SS18L1: variants seen among roughly 807,000 people sequenced by gnomAD.
The protein encoded by SS18L1 is SS18L1 subunit of BAF chromatin remodeling complex.
SS18L1 carries 32 observed loss-of-function variants against 70.3 expected under a neutral mutation model. The ratio of observed to expected loss-of-function variants is 0.46; its 90% CI spans 0.34 to 0.61. The LOEUF is 0.61. SS18L1 is among the 20% of genes least tolerant of loss of function. SS18L1 has a pLI of 0.01. For synonymous variants in SS18L1, 237 were observed against 229.7 expected (o/e 1.03, Z -0.29); for missense variants, 430 against 542.1 (o/e 0.79, Z 2.05).
Position 62,158,675 on chromosome 20 carries a change from C to T in SS18L1, c.73C>T (p.Leu25=). The change falls in exon 2 of 11, where the codon CTG becomes TTG. Residue 25 remains leucine, a synonymous_variant. Transcript: ENST00000331758. The surrounding 1 kb of genome is among the most constrained non-coding windows in gnomAD (Gnocchi z 4.5). ...CCCGCTCACGCTCTCTCCGCAGATGCTGGACGAGAACCACCACCTGATCCA... is the reference window on the plus strand; with the variant it reads ...CCCGCTCACGCTCTCTCCGCAGATGTTGGACGAGAACCACCACCTGATCCA... The part of the protein sequence containing the change: ...EVTQQTIQKM[L]DENHHLIQCI... The T allele has an allele frequency of 3.7e-6, 6 of 1,612,504 alleles. No individual in the cohort carries two copies. Among genetic ancestry groups the T allele is most frequent in the Non-Finnish European group, 5.1e-6 (6 of 1,179,998 alleles).
At chr20:62,160,577 T>A (rs1214315914) in intron 3 of SS18L1, among the ~76,000 whole-genome samples, 7 of 152,206 alleles carry the variant, frequency 4.6e-5, no homozygotes, top group Admixed American at 4.6e-4. Context: ...TTTGATTTTT[T>A]AAAATGCATT....
chr20:62,165,683 G>A (rs181958637), intron 8 of SS18L1, among the ~76,000 whole-genome samples, 169 bp downstream of exon 8: 1 of 152,224 alleles, frequency 6.6e-6, no homozygotes, highest in East Asian at 1.9e-4. Context: ...AATTCAGGCT[G>A]TGTCGGGAGC....
intron 8 of SS18L1, among the ~76,000 whole-genome samples, chr20:62,165,746 T>C (rs576134485): frequency 7.2e-5 from 11 of 151,812 alleles, no homozygotes; most frequent in African/African-American, 2.7e-4. Context: ...CAGCCGGCCA[T>C]GCTGGGGTTG....
rs1474412876 is a variant in SS18L1, at chr20:62,174,422, AG to A, written c.1037-94del. On this transcript the variant is annotated intron_variant, in intron 9 of 10. Transcript: ENST00000331758. This position sits in a 1 kb window ranked among gnomAD's most constrained non-coding sequence, Gnocchi z 4.1. The stretch of plus-strand genomic sequence containing the variant: ...GCATTGAGACGGGAATTTTTCAAGG[AG>A]AAGAGGAAGTTTTAAAAAAAATTTT... 6.6e-7 allele frequency: 1 copy of A among 1,509,558 alleles called. No homozygotes were observed. Among genetic ancestry groups the A allele is most frequent in the Non-Finnish European group, 8.8e-7 (1 of 1,132,928 alleles). The allele number at this position is 1,509,558 out of a possible 1,614,324, so 93.5% of individuals were successfully genotyped here. A position where few individuals can be genotyped will look rare whatever the true frequency, so the allele number is the denominator to read the frequency against.
At chr20:62,176,689 G>A (rs2057625259) in intron 10 of SS18L1, among the ~76,000 whole-genome samples, 1 of 152,048 alleles carries the variant, frequency 6.6e-6, no homozygotes, top group Non-Finnish European at 1.5e-5. Flanking sequence ...TGTAAGCCCA[G>A]CTATTGGGGA....
intron 10 of SS18L1, 36 bp from the exon 11 acceptor site, chr20:62,179,146 C>A: frequency 6.2e-7 from 1 of 1,613,386 alleles, no homozygotes; most frequent in South Asian, 1.1e-5. Context: ...TCACTCATTA[C>A]TATAGGGGTG....
chr20:62,182,257 G>T lies in SS18L1; in HGVS notation c.*3049G>T, dbSNP rs765060701. On this transcript the variant is annotated 3_prime_UTR_variant, in exon 11 of 11. Transcript: ENST00000331758. ...TTCTACGTGTAGGCGTGAATAGGGG[G>T]CACCCCTTCAAAACTGTACAAAGAA... 9.2e-5 allele frequency: 20 copies of T among 218,192 alleles called. 1 individual carries two copies. The highest frequency in any genetic ancestry group is 1.7e-4 in the Non-Finnish European group (18 of 108,780). The allele number at this position is 218,192 out of a possible 1,614,324, so 13.5% of individuals were successfully genotyped here.
chr20:62,181,127 T>G lies in SS18L1; in HGVS notation c.*1919T>G, dbSNP rs1034798888. 5.2e-5 allele frequency: 10 copies of G among 191,690 alleles called. No individual in the cohort carries two copies. The highest frequency in any genetic ancestry group is 2.1e-4 in the African/African-American group (9 of 42,948). 11.9% of individuals were successfully genotyped at this position (191,690 alleles called of 1,614,324 possible). A position where few individuals can be genotyped will look rare whatever the true frequency, so the allele number is the denominator to read the frequency against. On this transcript the variant is annotated 3_prime_UTR_variant, in exon 11 of 11. Coordinates refer to ENST00000331758, the MANE Select transcript of SS18L1 (RefSeq NM_198935.3). Reference sequence around the variant, plus strand: ...AGTCCTGTTCTAGGACATTCTCCCCTCTCCTAGGAGACGGATGTCACGCAC... The same window carrying G: ...AGTCCTGTTCTAGGACATTCTCCCCGCTCCTAGGAGACGGATGTCACGCAC...
chr20:62,163,166 C>G (rs2057362928), intron 5 of SS18L1, among the ~76,000 whole-genome samples: 1 of 152,132 alleles, frequency 6.6e-6, no homozygotes, highest in Non-Finnish European at 1.5e-5. Flanking sequence ...GGGGTGTTTC[C>G]CATGGAGTCT....
At chr20:62,163,037 G>A in intron 5 of SS18L1, 106 bp downstream of exon 5, 1 of 1,425,554 alleles carries the variant, frequency 7.0e-7, no homozygotes, top group South Asian at 1.3e-5. Flanking sequence ...CTCCTGCTGG[G>A]TGCTGGAGGG....
At chr20:62,172,899 T>G (rs6061449) in intron 9 of SS18L1, 98 bp downstream of exon 9, 1 of 1,503,978 alleles carries the variant, frequency 6.6e-7, no homozygotes, top group Non-Finnish European at 8.9e-7. Context: ...AGAGCTACCC[T>G]GGGCAGCAGC....
At chr20:62,162,524 G>A (rs902643791) in intron 4 of SS18L1, 28 of 489,464 alleles carry the variant, frequency 5.7e-5, no homozygotes, top group Admixed American at 1.6e-4. Flanking sequence ...GGCTGGTTTC[G>A]AACTCTTGAC....
chr20:62,147,636 C>T (rs1333581484), intron 1 of SS18L1, among the ~76,000 whole-genome samples: 2 of 152,080 alleles, frequency 1.3e-5, no homozygotes, highest in Non-Finnish European at 2.9e-5. Flanking sequence ...GTCTGGATCC[C>T]CAGCACCTGT....
chr20:62,146,887 A>G (rs1248584175), intron 1 of SS18L1, among the ~76,000 whole-genome samples: 1 of 151,674 alleles, frequency 6.6e-6, no homozygotes, highest in Non-Finnish European at 1.5e-5. Context: ...TAGCCTCCCA[A>G]AGTGCTGGGA....
intron 6 of SS18L1, 86 bp downstream of exon 6, chr20:62,163,708 G>A (rs1568752940): frequency 7.0e-7 from 1 of 1,434,960 alleles, no homozygotes; most frequent in Non-Finnish European, 9.1e-7. Context: ...TCTTCGGGGA[G>A]CCTGGGGGAG....
At chr20:62,148,497 G>T (rs2057073144) in intron 1 of SS18L1, among the ~76,000 whole-genome samples, 1 of 150,868 alleles carries the variant, frequency 6.6e-6, no homozygotes, top group Non-Finnish European at 1.5e-5. Flanking sequence ...TCTTCGGTCA[G>T]GTGAGGGAGG....
intron 8 of SS18L1, among the ~76,000 whole-genome samples, chr20:62,169,780 CAA>C (rs11475719): frequency 7.1e-6 from 1 of 141,180 alleles, no homozygotes; most frequent in African/African-American, 2.6e-5. Context: ...ACTCCATCTC[CAA>C]AAAAAAAAAA....
In SS18L1 at chr20:62,158,350, G is replaced by C. The variant is rs187370312; in HGVS notation, c.70-322G>C. Among the ~76,000 whole-genome samples the C allele has an allele frequency of 6.6e-6, 1 of 151,686 alleles. No individual in the cohort carries two copies. Among genetic ancestry groups the C allele is most frequent in the East Asian group, 1.9e-4 (1 of 5,158 alleles). ...TGGTGGCTGAGGCAATGCACGTAAC[G>C]ACAGTTTCGTATACAGAACAGGCGT... On this transcript the variant is annotated intron_variant, in intron 1 of 10. Coordinates refer to ENST00000331758, the MANE Select transcript of SS18L1 (RefSeq NM_198935.3). The surrounding 1 kb of genome is among the most constrained non-coding windows in gnomAD (Gnocchi z 4.5).
chr20:62,148,617 G>A (rs2427253), intron 1 of SS18L1, among the ~76,000 whole-genome samples: 24,194 of 151,720 alleles, frequency 0.16, 5,779 homozygotes, highest in African/African-American at 0.53. Flanking sequence ...AGGGAGGCTC[G>A]GCCTCCTTGC....
Sources: allele counts gnomAD v4.1 joint callset (sites outside exome capture counted in the v4.1 genomes callset), GRCh38; gene constraint gnomAD v4.1.1; non-coding constraint Gnocchi (gnomAD v3.1); transcripts MANE v1.5; gene names NCBI Gene and HGNC (gene_info 2026-07-23, HGNC 2026-07-21).